The following DOCK1 variants were observed in gnomAD, a reference collection of about 807,000 sequenced individuals.
DOCK1 encodes dedicator of cytokinesis protein 1.
Under a neutral mutation model 262.7 loss-of-function variants are expected in DOCK1, and 138 were observed. The observed-to-expected ratio is 0.53, with a 90% CI of 0.46 to 0.61. DOCK1 has a LOEUF of 0.61. Among genes scored for constraint, DOCK1 ranks in the 20% least tolerant of loss-of-function variants. The probability of loss-of-function intolerance (pLI) is 0.00; values close to 1 mark genes in which losing one functional copy is unlikely to be tolerated. For synonymous variants in DOCK1, 866 were observed against 867.4 expected (o/e 1.00, Z 0.03); for missense variants, 1,908 against 2,370.7 (o/e 0.80, Z 4.05).
chr10:127,047,409 CT>C (rs2044422775), intron 21 of DOCK1, among the ~76,000 whole-genome samples: 1 of 152,204 alleles, frequency 6.6e-6, no homozygotes. Flanking sequence ...GAGATATCTA[CT>C]GTGCCAGCAT....
At chr10:126,921,647 A>G (rs150123804) in intron 1 of DOCK1, among the ~76,000 whole-genome samples, 4 of 151,984 alleles carry the variant, frequency 2.6e-5, no homozygotes, top group South Asian at 2.1e-4. Flanking sequence ...AGAGAGAGAC[A>G]GAGATTTGTT....
chr10:127,408,907 A>C (rs2067679942), intron 40 of DOCK1, 130 bp from the exon 41 acceptor site: 4 of 1,265,308 alleles, frequency 3.2e-6, no homozygotes, highest in Non-Finnish European at 4.2e-6. Flanking sequence ...AATAAAAATT[A>C]CAAGTTGTTC....
At chr10:126,944,447 A>G (rs2035244440) in intron 1 of DOCK1, among the ~76,000 whole-genome samples, 1 of 152,080 alleles carries the variant, frequency 6.6e-6, no homozygotes, top group Admixed American at 6.6e-5. Context: ...GGAGCAGTTT[A>G]CGCAGTTGGG....
At chr10:127,384,608 C>A (rs1483874976) in intron 37 of DOCK1, among the ~76,000 whole-genome samples, 182 bp from the exon 38 acceptor site, 1 of 152,228 alleles carries the variant, frequency 6.6e-6, no homozygotes, top group Non-Finnish European at 1.5e-5. Flanking sequence ...TCCCCTGTGT[C>A]TTTTATGCCT....
At chr10:127,234,408 G>T (rs570180472) in intron 27 of DOCK1, among the ~76,000 whole-genome samples, 2 of 151,902 alleles carry the variant, frequency 1.3e-5, no homozygotes, top group Non-Finnish European at 2.9e-5. Flanking sequence ...ATGTTCAAAG[G>T]GTTATTTAAA....
chr10:127,230,220 C>T (rs1365459123), intron 27 of DOCK1, among the ~76,000 whole-genome samples: 1 of 152,150 alleles, frequency 6.6e-6, no homozygotes, highest in Non-Finnish European at 1.5e-5. Context: ...TAGGGAGTCT[C>T]TTCACTCTGG....
intron 31 of DOCK1, among the ~76,000 whole-genome samples, chr10:127,347,290 G>A (rs1212436683): frequency 1.3e-5 from 2 of 152,130 alleles, no homozygotes; most frequent in Non-Finnish European, 2.9e-5. Context: ...CACAGACCTC[G>A]TGACGAAGAA....
At chr10:127,190,724 C>T (rs2056689774) in intron 27 of DOCK1, among the ~76,000 whole-genome samples, 1 of 135,042 alleles carries the variant, frequency 7.4e-6, no homozygotes, top group Non-Finnish European at 1.6e-5. Context: ...ATTAAAATCC[C>T]CCACCGCCTT....
At chr10:126,948,729 C>T (rs1201188874) in intron 1 of DOCK1, among the ~76,000 whole-genome samples, 3 of 152,042 alleles carry the variant, frequency 2.0e-5, no homozygotes, top group African/African-American at 7.2e-5. Flanking sequence ...AGCTGTGCAG[C>T]TGCCATCCAG....
At chr10:127,146,948 T>C (rs897844335) in intron 27 of DOCK1, among the ~76,000 whole-genome samples, 1 of 152,214 alleles carries the variant, frequency 6.6e-6, no homozygotes, top group African/African-American at 2.4e-5. Flanking sequence ...AGCTTTCTTT[T>C]TGCAATACAC....
intron 27 of DOCK1, 171 bp downstream of exon 27, chr10:127,127,935 C>T (rs1163309648): frequency 2.2e-6 from 1 of 447,000 alleles, no homozygotes; most frequent in Non-Finnish European, 3.8e-6. Context: ...GAAGGGTAAG[C>T]AAACCAACTT....
At chr10:127,200,516 T>C (rs1003302433) in intron 27 of DOCK1, among the ~76,000 whole-genome samples, 1 of 152,120 alleles carries the variant, frequency 6.6e-6, no homozygotes, top group Non-Finnish European at 1.5e-5. Context: ...TCTCCCATGT[T>C]CAAGCAATTC....
At chr10:126,977,239 C>G (rs2038614596) in intron 2 of DOCK1, among the ~76,000 whole-genome samples, 1 of 152,134 alleles carries the variant, frequency 6.6e-6, no homozygotes, top group African/African-American at 2.4e-5. Context: ...GGTCTGGTCC[C>G]TTGTTGAAGG....
At chr10:127,315,156 C>T (rs1054349732) in intron 29 of DOCK1, among the ~76,000 whole-genome samples, 2 of 152,116 alleles carry the variant, frequency 1.3e-5, no homozygotes, top group African/African-American at 4.8e-5. Flanking sequence ...AGAGCTGCCC[C>T]CTCCTCCGTG....
chr10:127,421,078 G>A lies in DOCK1; in HGVS notation c.4776+1329G>A, dbSNP rs559444958. 1.5e-4 allele frequency among the ~76,000 whole-genome samples: 23 copies of A among 151,958 alleles called. No individual in the cohort carries two copies. The East Asian group carries it at 3.3e-3, about 22-fold the overall frequency. On this transcript the variant is annotated intron_variant, in intron 46 of 51. Coordinates refer to ENST00000623213, the MANE Select transcript of DOCK1 (RefSeq NM_001290223.2). ...ACTGCAAGTGTGCACCACCATGCCC[G>A]GCTAATTTTTTTGTACTTGTAATGG...
At chr10:127,227,657 G>T (rs909707200) in intron 27 of DOCK1, among the ~76,000 whole-genome samples, 1 of 152,196 alleles carries the variant, frequency 6.6e-6, no homozygotes, top group African/African-American at 2.4e-5. Context: ...CTTCAAGTTC[G>T]GTTATAAAGG....
At chr10:127,050,740 A>G (rs557239051) in intron 21 of DOCK1, among the ~76,000 whole-genome samples, 3 of 152,032 alleles carry the variant, frequency 2.0e-5, no homozygotes, top group African/African-American at 7.2e-5. Context: ...CCATTTATCC[A>G]ACAGCAGTGT....
chr10:127,329,812 C>T (rs1305833606), intron 29 of DOCK1, among the ~76,000 whole-genome samples: 1 of 152,030 alleles, frequency 6.6e-6, no homozygotes, highest in Non-Finnish European at 1.5e-5. Context: ...ATAAGAAGGA[C>T]CAAGTAGTGG....
chr10:127,257,593 G>C (rs2134952428), intron 29 of DOCK1, 164 bp downstream of exon 29: 1 of 533,704 alleles, frequency 1.9e-6, no homozygotes, highest in Admixed American at 3.0e-5. Context: ...GGGACTCTGA[G>C]TTTGTGGTGA....
Sources: allele counts gnomAD v4.1 joint callset (sites outside exome capture counted in the v4.1 genomes callset), GRCh38; gene constraint gnomAD v4.1.1; transcripts MANE v1.5; gene names NCBI Gene and HGNC (gene_info 2026-07-23, HGNC 2026-07-21).